ALPK2: variants seen among roughly 807,000 people sequenced by gnomAD.
The protein encoded by ALPK2 is alpha kinase 2, also known as alpha-protein kinase 2.
In ALPK2, 127 loss-of-function variants were observed where a neutral mutation model predicts 163.1. That is an observed-to-expected ratio of 0.78 (90% CI 0.67 to 0.90). The LOEUF (loss-of-function observed/expected upper bound fraction) is 0.90. ALPK2 is among the 40% of genes least tolerant of loss of function. ALPK2 has a pLI of 0.00. For synonymous variants in ALPK2, 953 were observed against 959.1 expected, an observed-to-expected ratio of 0.99 and a Z score of 0.12; for missense variants, 2,360 against 2,589.6, an observed-to-expected ratio of 0.91 and a Z score of 1.92.
At chr18:58,570,664 C>T (rs999341025) in intron 4 of ALPK2, among the ~76,000 whole-genome samples, 2 of 152,234 alleles carry the variant, frequency 1.3e-5, no homozygotes, top group African/African-American at 4.8e-5. Flanking sequence ...GCCTCTGTCT[C>T]TAGGTCTCTC....
intron 4 of ALPK2, among the ~76,000 whole-genome samples, chr18:58,543,071 C>T (rs377001533): frequency 3.9e-5 from 6 of 152,042 alleles, no homozygotes; most frequent in African/African-American, 1.2e-4. Flanking sequence ...AGGATTGATA[C>T]GTTATCAAGG....
chr18:58,502,393 C>A (rs922046207), intron 11 of ALPK2, among the ~76,000 whole-genome samples: 2 of 151,918 alleles, frequency 1.3e-5, no homozygotes, highest in Admixed American at 6.6e-5. Context: ...AAATAGGAAC[C>A]ATTTATTATG....
chr18:58,535,580 G>T lies in ALPK2; in HGVS notation c.4607C>A (p.Ser1536Tyr), dbSNP rs772550142. The change falls in exon 5 of 13, where the codon TCC becomes TAC. Residue 1536 changes from serine (S) to tyrosine (Y), a missense_variant. Physicochemically the swap from Ser to Tyr is moderately radical, Grantham distance 144 (BLOSUM62 -2). Transcript: ENST00000361673. Reference sequence around the variant, plus strand: ...ACAACTAGAAAGAGGTGAAGTGGGGGAAATCAATTCTGCTTTGTCCTTTTT... The same window carrying T: ...ACAACTAGAAAGAGGTGAAGTGGGGTAAATCAATTCTGCTTTGTCCTTTTT... ...QSKKDKAELI[S>Y]PTSPLSSCLP... 6.2e-7 allele frequency: 1 copy of T among 1,614,070 alleles called. No homozygotes were observed. The highest frequency in any genetic ancestry group is 8.5e-7 in the Non-Finnish European group (1 of 1,180,040).
chr18:58,515,121 G>C (rs2051514507), intron 9 of ALPK2, 40 bp from the exon 10 acceptor site: 1 of 1,495,672 alleles, frequency 6.7e-7, no homozygotes, highest in African/African-American at 1.4e-5. Context: ...AGTGACTACA[G>C]GAAATTCAGA....
At chr18:58,531,711 G>A (rs559850932) in intron 5 of ALPK2, among the ~76,000 whole-genome samples, 5 of 149,912 alleles carry the variant, frequency 3.3e-5, no homozygotes, top group South Asian at 2.1e-4. Flanking sequence ...AGGCCAAGGC[G>A]GGCAGATCAC....
intron 3 of ALPK2, among the ~76,000 whole-genome samples, chr18:58,588,022 T>C (rs2051996022): frequency 6.6e-6 from 1 of 152,240 alleles, no homozygotes; most frequent in African/African-American, 2.4e-5. Flanking sequence ...GTAAAAATGA[T>C]AATCCATAAA....
intron 12 of ALPK2, among the ~76,000 whole-genome samples, chr18:58,483,005 A>C (rs9950765): frequency 0.33 from 49,546 of 151,740 alleles, 8,895 homozygotes; most frequent in African/African-American, 0.48. Context: ...CAGAAAATCC[A>C]CAAATCCCAT....
rs79357694 is a variant in ALPK2, at chr18:58,556,428, G to A, written c.1963-18204C>T. ...AAGCAAGGCTTCGCCGCTTCCTGAC[G>A]TAGAGCCTGGCTGACAGGCTTTATC... is the stretch of plus-strand genomic sequence containing the variant. On this transcript the variant is annotated intron_variant, in intron 4 of 12. Transcript: ENST00000361673. Among the ~76,000 whole-genome samples, 266 of 152,314 alleles carry A rather than the reference G, an allele frequency of 1.7e-3. 4 individuals carry two copies. In the East Asian group the frequency reaches 0.044, roughly 25 times the overall value.
At chr18:58,489,398 T>C (rs551247455) in intron 12 of ALPK2, among the ~76,000 whole-genome samples, 43 of 152,186 alleles carry the variant, frequency 2.8e-4, no homozygotes, top group Non-Finnish European at 5.3e-4. Context: ...ATATCTCTCC[T>C]AGGCTTGGTA....
chr18:58,618,024 A>G (rs940496421), intron 1 of ALPK2, among the ~76,000 whole-genome samples: 1 of 152,186 alleles, frequency 6.6e-6, no homozygotes. Flanking sequence ...CAGAGAGAAG[A>G]CTGTTCACAT....
At chr18:58,552,730 A>G (rs2051766470) in intron 4 of ALPK2, among the ~76,000 whole-genome samples, 2 of 152,082 alleles carry the variant, frequency 1.3e-5, no homozygotes, top group South Asian at 4.2e-4. Flanking sequence ...CAGGTGTTCT[A>G]TAAGGAGACA....
At chr18:58,512,498 G>A (rs56869974) in intron 10 of ALPK2, among the ~76,000 whole-genome samples, 34,513 of 152,168 alleles carry the variant, frequency 0.23, 4,567 homozygotes, top group South Asian at 0.42. Context: ...CTGTGGCAGT[G>A]GGGGAGGGGG....
chr18:58,558,966 T>A (rs964252909), intron 4 of ALPK2, among the ~76,000 whole-genome samples: 1 of 152,236 alleles, frequency 6.6e-6, no homozygotes, highest in Admixed American at 6.5e-5. Context: ...TGGGTTTCTT[T>A]CAGGTATAAT....
In ALPK2 at chr18:58,579,097, C is replaced by A. The variant is rs758759943; in HGVS notation, c.1679G>T (p.Gly560Val). The A allele has an allele frequency of 9.3e-6, 15 of 1,614,042 alleles. No individual in the cohort carries two copies. The highest frequency in any genetic ancestry group is 1.3e-5 in the African/African-American group (1 of 74,922). The change falls in exon 4 of 13, where the codon GGT (glycine) becomes GTT (valine). Residue 560 changes from glycine to valine, a missense_variant. Transcript: ENST00000361673. ...NANLRESTTEGTLHLCSAKES... is the reference protein window; with the variant it reads ...NANLRESTTEVTLHLCSAKES... Reference sequence around the variant, plus strand: ...TTTGGCAGAGCAGAGATGAAGGGTACCTTCTGTTGTACTTTCTCTCAGGTT... The same window carrying A: ...TTTGGCAGAGCAGAGATGAAGGGTAACTTCTGTTGTACTTTCTCTCAGGTT...
At position 58,536,692 on chromosome 18, in the gene ALPK2, C is replaced by T. The variant is rs1435928026; in HGVS notation, c.3495G>A (p.Glu1165=). 4 of 1,614,182 alleles carry T rather than the reference C, an allele frequency of 2.5e-6. No individual in the cohort carries two copies. In the African/African-American group the frequency reaches 4.0e-5, roughly 16 times the overall value. Residue 1165 remains glutamate (E), a synonymous_variant, in exon 5 of 13, where the codon GAG becomes GAA. Coordinates refer to ENST00000361673, the MANE Select transcript of ALPK2 (RefSeq NM_052947.4). ...GGGCCGTGGGCACCAAGTTTCTTTC[C>T]TCTTGTGCAGCAGATGTCGTAGGCA... ...QSLPTTSAAQ[E]ERNLVPTAHS... is the part of the protein sequence containing the mutation.
Position 58,578,733 on chromosome 18 carries a change from G to GACACACACACGCGCGCGCGCGCGC in ALPK2, c.1962+80_1962+81insGCGCGCGCGCGCGCGTGTGTGTGT, listed in dbSNP as rs777103869. On this transcript the variant is annotated intron_variant, in intron 4 of 12. Coordinates refer to ENST00000361673, the MANE Select transcript of ALPK2 (RefSeq NM_052947.4). ...ATTGTGAATGTGAAGTAAAGGAAGA[G>GACACACACACGCGCGCGCGCGCGC]ACACACACACACACACACACACACA... 480 of 533,330 alleles carry GACACACACACGCGCGCGCGCGCGC rather than the reference G, an allele frequency of 9.0e-4. 6 individuals are homozygous for GACACACACACGCGCGCGCGCGCGC. The highest frequency in any genetic ancestry group is 5.2e-3 in the African/African-American group (233 of 44,982). 33.0% of individuals were successfully genotyped at this position (533,330 alleles called of 1,614,324 possible). A position where few individuals can be genotyped will look rare whatever the true frequency, so the allele number is the denominator to read the frequency against.
At chr18:58,582,328 A>T (rs61453855) in intron 3 of ALPK2, among the ~76,000 whole-genome samples, 48,024 of 152,048 alleles carry the variant, frequency 0.32, 8,280 homozygotes, top group East Asian at 0.59. Flanking sequence ...CATGCAGAAG[A>T]ATCATCAGAG....
intron 4 of ALPK2, among the ~76,000 whole-genome samples, chr18:58,559,393 C>CTGCCCCAGCTACAACATCCTT (rs36224832): frequency 4.6e-5 from 7 of 151,986 alleles, no homozygotes; most frequent in South Asian, 2.1e-4. Context: ...CAGAGGATCC[C>CTGCCCCAGCTACAACATCCTT]TGCCCCAGCT....
chr18:58,492,218 A>C (rs954054201), intron 12 of ALPK2, among the ~76,000 whole-genome samples: 1 of 152,076 alleles, frequency 6.6e-6, no homozygotes, highest in Non-Finnish European at 1.5e-5. Context: ...ACAGACACAC[A>C]TGCACACACA....
Sources: gnomAD v4.1 joint callset for allele counts (sites outside exome capture counted in the v4.1 genomes callset) on GRCh38, gnomAD v4.1.1 for gene constraint, MANE v1.5 for transcripts, NCBI Gene and HGNC (gene_info 2026-07-23, HGNC 2026-07-21) for gene names.